The following CSMD1 variants were observed in gnomAD, a reference collection of about 807,000 sequenced individuals.
CSMD1 encodes the protein CUB and Sushi multiple domains 1, also known as CUB and sushi domain-containing protein 1.
CSMD1 carries 213 observed loss-of-function variants against 417.5 expected under a neutral mutation model. That is an observed-to-expected ratio of 0.51 (90% CI 0.46 to 0.57). The LOEUF is 0.57. Among genes scored for constraint, CSMD1 ranks in the 20% least tolerant of loss-of-function variants. The probability of loss-of-function intolerance (pLI) is 0.00; values close to 1 mark genes in which losing one functional copy is unlikely to be tolerated. For synonymous variants in CSMD1, 2,862 were observed against 1,736.8 expected, an observed-to-expected ratio of 1.65 and a Z score of -16.11; for missense variants, 6,923 against 4,529.7, an observed-to-expected ratio of 1.53 and a Z score of -15.17.
intron 5 of CSMD1, among the ~76,000 whole-genome samples, chr8:3,900,014 G>A (rs1283579011): frequency 6.6e-6 from 1 of 152,198 alleles, no homozygotes; most frequent in Non-Finnish European, 1.5e-5. Flanking sequence ...ATGCAGCTGG[G>A]TGACACTAGC....
chr8:4,152,562 C>T (rs1796624346), intron 3 of CSMD1, among the ~76,000 whole-genome samples: 1 of 151,246 alleles, frequency 6.6e-6, no homozygotes, highest in South Asian at 2.1e-4. Context: ...TGGTGGTGCA[C>T]ACTTGTGTTC....
intron 5 of CSMD1, among the ~76,000 whole-genome samples, chr8:3,953,009 A>T (rs565859752): frequency 6.6e-6 from 1 of 152,310 alleles, no homozygotes; most frequent in Admixed American, 6.5e-5. Flanking sequence ...ATTATTTAAA[A>T]AAATACATGA....
At chr8:4,766,638 A>G (rs944380664) in intron 1 of CSMD1, among the ~76,000 whole-genome samples, 1 of 152,200 alleles carries the variant, frequency 6.6e-6, no homozygotes, top group African/African-American at 2.4e-5. Context: ...ATCAATTAAT[A>G]ATAAATAACT....
chr8:4,355,482 AAAG>A (rs1801375345), intron 3 of CSMD1, among the ~76,000 whole-genome samples: 1 of 152,140 alleles, frequency 6.6e-6, no homozygotes, highest in Non-Finnish European at 1.5e-5. Context: ...ATTTTTATTA[AAAG>A]TAGAGTGAAT....
At chr8:4,347,743 C>A (rs1198488196) in intron 3 of CSMD1, among the ~76,000 whole-genome samples, 1 of 152,050 alleles carries the variant, frequency 6.6e-6, no homozygotes, top group East Asian at 1.9e-4. Context: ...GAGTGCCTAG[C>A]AAGCATGTAT....
At chr8:3,533,256 C>T (rs1798054429) in intron 10 of CSMD1, among the ~76,000 whole-genome samples, 1 of 152,194 alleles carries the variant, frequency 6.6e-6, no homozygotes, top group African/African-American at 2.4e-5. Context: ...GGATAGATTA[C>T]ATGACATCTA....
At chr8:3,534,767 C>G (rs1798122619) in intron 10 of CSMD1, among the ~76,000 whole-genome samples, 1 of 152,154 alleles carries the variant, frequency 6.6e-6, no homozygotes, top group Non-Finnish European at 1.5e-5. Context: ...CATCTTAAAG[C>G]TAAGATTACT....
chr8:3,755,413 A>T (rs1797601720), intron 5 of CSMD1, among the ~76,000 whole-genome samples: 1 of 152,214 alleles, frequency 6.6e-6, no homozygotes, highest in African/African-American at 2.4e-5. Context: ...CTGAATAATT[A>T]TTTTGCATCT....
intron 3 of CSMD1, among the ~76,000 whole-genome samples, chr8:4,208,548 T>C (rs528036144): frequency 1.1e-4 from 17 of 152,346 alleles, no homozygotes; most frequent in Admixed American, 2.0e-4. Flanking sequence ...TAAACTTCAA[T>C]ATCAGATTGA....
intron 5 of CSMD1, among the ~76,000 whole-genome samples, chr8:3,965,262 C>A (rs1812593155): frequency 6.6e-6 from 1 of 152,164 alleles, no homozygotes; most frequent in Non-Finnish European, 1.5e-5. Context: ...CCTTTGGTCT[C>A]CTCCCTTAAA....
intron 1 of CSMD1, among the ~76,000 whole-genome samples, chr8:4,807,198 C>G (rs1301581472): frequency 6.6e-6 from 1 of 152,140 alleles, no homozygotes; most frequent in African/African-American, 2.4e-5. Context: ...ACTTTTCATT[C>G]CCATCTGCCT....
intron 1 of CSMD1, among the ~76,000 whole-genome samples, chr8:4,801,391 G>C (rs922447356): frequency 4.6e-5 from 7 of 151,930 alleles, no homozygotes; most frequent in Non-Finnish European, 8.8e-5. Flanking sequence ...CAAAGTGAGA[G>C]ACACCCTCTC....
At chr8:3,467,447 G>A (rs1218126193) in intron 12 of CSMD1, among the ~76,000 whole-genome samples, 2 of 152,190 alleles carry the variant, frequency 1.3e-5, no homozygotes, top group Non-Finnish European at 2.9e-5. Context: ...AAGTTCAATT[G>A]AAGGTCAGGT....
chr8:4,569,221 G>T (rs1196775476), intron 2 of CSMD1, among the ~76,000 whole-genome samples: 1 of 152,136 alleles, frequency 6.6e-6, no homozygotes, highest in Non-Finnish European at 1.5e-5. Context: ...CTTTGCCCAT[G>T]CCTATGTCCT....
intron 5 of CSMD1, among the ~76,000 whole-genome samples, chr8:3,983,352 C>A (rs952666272): frequency 5.9e-5 from 9 of 151,896 alleles, no homozygotes; most frequent in Admixed American, 2.6e-4. Context: ...GGATGGTCTC[C>A]ATCTCCTGAC....
chr8:4,007,221 C>T (rs1205333544), intron 4 of CSMD1, among the ~76,000 whole-genome samples: 1 of 152,102 alleles, frequency 6.6e-6, no homozygotes, highest in Admixed American at 6.5e-5. Context: ...CTATTCAAAG[C>T]TGTGAACTAC....
chr8:3,642,803 T>G (rs1029692452), intron 7 of CSMD1, among the ~76,000 whole-genome samples: 2 of 152,028 alleles, frequency 1.3e-5, no homozygotes, highest in Admixed American at 1.3e-4. Context: ...ATGAATCCAG[T>G]AGAACCCCCA....
intron 26 of CSMD1, among the ~76,000 whole-genome samples, chr8:3,235,812 T>G (rs1799115164): frequency 6.6e-6 from 1 of 151,984 alleles, no homozygotes; most frequent in African/African-American, 2.4e-5. Flanking sequence ...TAATGCAGCA[T>G]GCAATTAAAA....
chr8:3,422,432 T>C (rs1020772818), intron 12 of CSMD1, among the ~76,000 whole-genome samples: 3 of 152,184 alleles, frequency 2.0e-5, no homozygotes, highest in Non-Finnish European at 2.9e-5. Context: ...AAAATGCCTA[T>C]TGAAAGAATC....
Sources: allele counts gnomAD v4.1 joint callset (sites outside exome capture counted in the v4.1 genomes callset), GRCh38; gene constraint gnomAD v4.1.1; transcripts MANE v1.5; gene names NCBI Gene and HGNC (gene_info 2026-07-23, HGNC 2026-07-21).